AIF1L: variants seen among roughly 807,000 people sequenced by gnomAD.
The protein encoded by AIF1L is allograft inflammatory factor 1 like.
Under a neutral mutation model 20.7 loss-of-function variants are expected in AIF1L, and 12 were observed. That is an observed-to-expected ratio of 0.58 (90% CI 0.37 to 0.94). AIF1L has a LOEUF of 0.94. AIF1L is among the 40% of genes least tolerant of loss of function. AIF1L has a pLI of 0.01. For synonymous variants in AIF1L, 76 were observed against 65.1 expected (o/e 1.17, Z -0.81); for missense variants, 173 against 185.3 (o/e 0.93, Z 0.39).
chr9:131,114,522 C>T lies in AIF1L; in HGVS notation c.161-55C>T. The T allele has an allele frequency of 3.7e-6, 6 of 1,604,644 alleles. No individual in the cohort carries two copies. The Admixed American group carries it at 8.3e-5, about 22-fold the overall frequency. On this transcript the variant is annotated intron_variant, in intron 3 of 5. Transcript: ENST00000247291. ...TGCCCACAAGGGAGCCACTGGGTCCCCACAGGGAGACGCTGCTTCCAAACT... is the reference window on the plus strand; with the variant it reads ...TGCCCACAAGGGAGCCACTGGGTCCTCACAGGGAGACGCTGCTTCCAAACT...
intron 2 of AIF1L, among the ~76,000 whole-genome samples, chr9:131,097,462 G>A (rs1830554155): frequency 6.6e-6 from 1 of 152,106 alleles, no homozygotes; most frequent in Non-Finnish European, 1.5e-5. Flanking sequence ...GCACTTCCCC[G>A]TGGTCTCCAG....
chr9:131,098,088 G>A (rs1830563073), intron 2 of AIF1L: 3 of 152,920 alleles, frequency 2.0e-5, no homozygotes, highest in Admixed American at 6.5e-5. Flanking sequence ...CGAGCCTGGG[G>A]CCAGGTTGTG....
At chr9:131,115,202 C>G (rs2133401195) in intron 4 of AIF1L, among the ~76,000 whole-genome samples, 1 of 152,262 alleles carries the variant, frequency 6.6e-6, no homozygotes. Context: ...GTAATCCCAG[C>G]ACTTTGGGAG....
At chr9:131,112,797 G>A (rs1312671618) in intron 3 of AIF1L, among the ~76,000 whole-genome samples, 1 of 152,136 alleles carries the variant, frequency 6.6e-6, no homozygotes, top group Non-Finnish European at 1.5e-5. Context: ...CTGTAGGAGA[G>A]CTGTGAAAAA....
rs1180482270 is a variant in AIF1L, at chr9:131,122,934, CT to C, written c.*2614del. On this transcript the variant is annotated 3_prime_UTR_variant, in exon 6 of 6. Transcript: ENST00000247291. Reference sequence around the variant, plus strand: ...CTTACTTCTCTGGCTAAGGGCTCAGCTTCTTGGGACTTCAACCATCTTCTTT... The same window carrying C: ...CTTACTTCTCTGGCTAAGGGCTCAGCTCTTGGGACTTCAACCATCTTCTTT... The C allele has an allele frequency of 6.6e-6, 1 of 152,318 alleles. No homozygotes were observed. Among genetic ancestry groups the C allele is most frequent in the Admixed American group, 6.5e-5 (1 of 15,284 alleles). The allele number at this position is 152,318 out of a possible 1,614,324, so 9.4% of individuals were successfully genotyped here.
At chr9:131,099,459 G>C (rs1287500492) in intron 2 of AIF1L, among the ~76,000 whole-genome samples, 1 of 152,244 alleles carries the variant, frequency 6.6e-6, no homozygotes, top group Non-Finnish European at 1.5e-5. Flanking sequence ...GAATTGTGCT[G>C]GCAGCCCGGA....
Position 131,122,049 on chromosome 9 carries a change from A to AAT in AIF1L, c.*1727_*1728insAT, listed in dbSNP as rs1831149691. 1 of 152,280 alleles carries AAT rather than the reference A, an allele frequency of 6.6e-6. No individual in the cohort carries two copies. The highest frequency in any genetic ancestry group is 2.1e-4 in the South Asian group (1 of 4,834). 9.4% of individuals were successfully genotyped at this position (152,280 alleles called of 1,614,324 possible). A position where few individuals can be genotyped will look rare whatever the true frequency, so the allele number is the denominator to read the frequency against. ...AGAGTCCAATAGGAAAGTGAGACCC[A>AAT]GACAATGACAATGAGATAAATGTTA... On this transcript the variant is annotated 3_prime_UTR_variant, in exon 6 of 6. Transcript: ENST00000247291.
intron 3 of AIF1L, 25 bp downstream of exon 3, chr9:131,111,688 A>T: frequency 6.2e-7 from 1 of 1,610,236 alleles, no homozygotes; most frequent in Non-Finnish European, 8.5e-7. Flanking sequence ...GCTGCCCTGC[A>T]TTTATTCCTG....
intron 2 of AIF1L, among the ~76,000 whole-genome samples, chr9:131,099,974 G>A (rs1184520367): frequency 6.6e-6 from 1 of 151,974 alleles, no homozygotes; most frequent in African/African-American, 2.4e-5. Flanking sequence ...TGATCTGCCC[G>A]CCTCAGCCTT....
intron 1 of AIF1L, 36 bp from the exon 2 acceptor site, chr9:131,096,766 A>G: frequency 6.6e-7 from 1 of 1,512,204 alleles, no homozygotes; most frequent in South Asian, 1.2e-5. Context: ...CCCGAAGAGG[A>G]CCCCGCTTCC....
At chr9:131,114,786 G>C (rs1024406121) in intron 4 of AIF1L, among the ~76,000 whole-genome samples, 168 bp downstream of exon 4, 2 of 152,036 alleles carry the variant, frequency 1.3e-5, no homozygotes, top group Admixed American at 6.6e-5. Context: ...ACTGCCCTCA[G>C]ACTCCTCCAG....
Sources: allele counts gnomAD v4.1 joint callset (sites outside exome capture counted in the v4.1 genomes callset), GRCh38; gene constraint gnomAD v4.1.1; transcripts MANE v1.5; gene names NCBI Gene and HGNC (gene_info 2026-07-23, HGNC 2026-07-21).